The following FAIM2 variants were observed in gnomAD, a reference collection of about 807,000 sequenced individuals.
The protein encoded by FAIM2 is Fas apoptotic inhibitory molecule 2, also known as protein lifeguard 2.
In FAIM2, 27 loss-of-function variants were observed where a neutral mutation model predicts 47.4. The observed-to-expected ratio is 0.57, with a 90% confidence interval of 0.42 to 0.78. The LOEUF (loss-of-function observed/expected upper bound fraction) is 0.78, where lower values mean the gene tolerates loss of function less well. Among genes scored for constraint, FAIM2 ranks in the 30% least tolerant of loss-of-function variants. FAIM2 has a pLI of 0.00. For synonymous variants in FAIM2, 156 were observed against 159.3 expected (o/e 0.98, Z 0.16); for missense variants, 311 against 389.4 (o/e 0.80, Z 1.69).
At chr12:49,878,600 G>GTGCA (rs1555157979) in intron 11 of FAIM2, among the ~76,000 whole-genome samples, 3,660 of 124,318 alleles carry the variant, frequency 0.029, 767 homozygotes, top group African/African-American at 0.12. Context: ...GTATGTGTAT[G>GTGCA]TGTGCATGTG....
chr12:49,875,638 T>C (rs1055830524), intron 11 of FAIM2, among the ~76,000 whole-genome samples: 1 of 150,634 alleles, frequency 6.6e-6, no homozygotes, highest in Admixed American at 6.6e-5. Context: ...GAAAGGGGGG[T>C]AGTGTATGAA....
chr12:49,879,798 G>A (rs1409077775), intron 11 of FAIM2, among the ~76,000 whole-genome samples: 2 of 151,714 alleles, frequency 1.3e-5, no homozygotes, highest in African/African-American at 4.8e-5. Context: ...GTGTATGTGT[G>A]CATACGACTG....
In FAIM2 at chr12:49,895,801, C is replaced by T. The variant is rs117919226; in HGVS notation, c.434+1230G>A. On this transcript the variant is annotated intron_variant, in intron 5 of 11. Coordinates refer to ENST00000320634, the MANE Select transcript of FAIM2 (RefSeq NM_012306.4). ...GGGCTCTGGGCTGAGCCCACCTCCCCACCAGAGCCCTATCCAGGAACAGAC... is the reference window on the plus strand; with the variant it reads ...GGGCTCTGGGCTGAGCCCACCTCCCTACCAGAGCCCTATCCAGGAACAGAC... Among the ~76,000 whole-genome samples the T allele has an allele frequency of 1.4e-3, 211 of 152,360 alleles. 8 individuals carry two copies. The East Asian group carries it at 0.038, about 28-fold the overall frequency.
rs768632344 is a variant in FAIM2, at chr12:49,901,126, T to G, written c.211+4A>C. The G allele has an allele frequency of 1.9e-6, 3 of 1,577,602 alleles. No homozygotes were observed. In the Admixed American group the frequency reaches 5.8e-5, roughly 31 times the overall value. Reference sequence around the variant, plus strand: ...CTTCAGGTTCCAGGAGCTGAAAGACTTACTGGGGTCCACATAGGCCCAGCT... The same window carrying G: ...CTTCAGGTTCCAGGAGCTGAAAGACGTACTGGGGTCCACATAGGCCCAGCT... On this transcript the variant is annotated splice_donor_region_variant and intron_variant, in intron 2 of 11. Coordinates refer to ENST00000320634, the MANE Select transcript of FAIM2 (RefSeq NM_012306.4).
chr12:49,870,745 C>G (rs1203844456), intron 11 of FAIM2, 92 bp from the exon 12 acceptor site: 7 of 1,298,270 alleles, frequency 5.4e-6, no homozygotes, highest in Non-Finnish European at 7.6e-6. Flanking sequence ...CAGCCCCACC[C>G]CCAATTTTAT....
intron 11 of FAIM2, among the ~76,000 whole-genome samples, chr12:49,881,560 G>T (rs990531936): frequency 8.6e-5 from 13 of 151,778 alleles, no homozygotes; most frequent in African/African-American, 3.1e-4. Flanking sequence ...CTGCAGGCAT[G>T]TGCCCCCACC....
Position 49,887,376 on chromosome 12 carries a change from C to G in FAIM2, c.801+10G>C, listed in dbSNP as rs776022293. 6 of 1,608,824 alleles carry G rather than the reference C, an allele frequency of 3.7e-6. No homozygotes were observed. Among genetic ancestry groups the G allele is most frequent in the Non-Finnish European group, 5.1e-6 (6 of 1,177,226 alleles). ...GGAAGGAGGCTGCCAAGGAGCTAGA[C>G]CACACTCACCAATGTAAATACACCC... On this transcript the variant is annotated intron_variant, in intron 11 of 11. Transcript: ENST00000320634.
intron 2 of FAIM2, among the ~76,000 whole-genome samples, chr12:49,900,683 T>TC (rs1217625061): frequency 1.3e-5 from 2 of 151,996 alleles, no homozygotes; most frequent in African/African-American, 4.8e-5. Flanking sequence ...TGGAGACCTG[T>TC]CCCCACTGAG....
At chr12:49,892,707 G>A (rs146538826) in intron 5 of FAIM2, among the ~76,000 whole-genome samples, 188 of 152,118 alleles carry the variant, frequency 1.2e-3, no homozygotes, top group African/African-American at 4.3e-3. Flanking sequence ...CTTCCCCCAC[G>A]TTCTCCCTAG....
At chr12:49,881,715 C>T (rs1452507592) in intron 11 of FAIM2, among the ~76,000 whole-genome samples, 1 of 152,212 alleles carries the variant, frequency 6.6e-6, no homozygotes, top group Non-Finnish European at 1.5e-5. Flanking sequence ...GGCTGTTCAG[C>T]TGGCTCACCC....
intron 5 of FAIM2, among the ~76,000 whole-genome samples, chr12:49,895,765 C>T (rs9669359): frequency 0.015 from 2,319 of 152,284 alleles, 55 homozygotes; most frequent in African/African-American, 0.053. Context: ...CTGGGCTCGA[C>T]GTGGTCCAGG....
chr12:49,881,283 T>G (rs1946824124), intron 11 of FAIM2, among the ~76,000 whole-genome samples: 1 of 151,956 alleles, frequency 6.6e-6, no homozygotes, highest in Admixed American at 6.5e-5. Flanking sequence ...GCACAACAAC[T>G]GTGATGTTTC....
Position 49,903,794 on chromosome 12 carries a change from G to A in FAIM2, c.-2C>T. The A allele has an allele frequency of 6.5e-7, 1 of 1,545,792 alleles. No homozygotes were observed. The highest frequency in any genetic ancestry group is 8.7e-7 in the Non-Finnish European group (1 of 1,144,494). On this transcript the variant is annotated 5_prime_UTR_variant, in exon 1 of 12. Coordinates refer to ENST00000320634, the MANE Select transcript of FAIM2 (RefSeq NM_012306.4). ...TGCCGGTACCTTTCCCTGGGTCATG[G>A]TGCCGTCTCTCGGGGAAGGGGTCCC...
intron 11 of FAIM2, among the ~76,000 whole-genome samples, chr12:49,886,788 T>G (rs1946864752): frequency 6.6e-6 from 1 of 152,146 alleles, no homozygotes; most frequent in Non-Finnish European, 1.5e-5. Flanking sequence ...CCCATCTTAA[T>G]TTATTAACAG....
In FAIM2 at chr12:49,879,284, A is replaced by ATGTGTATGCATGTGCATGTGTATATG; in HGVS notation, c.801+8101_801+8102insCATATACACATGCACATGCATACACA. On this transcript the variant is annotated intron_variant, in intron 11 of 11. Transcript: ENST00000320634. The stretch of plus-strand genomic sequence containing the variant: ...TATGTGTGCATGTGTATATGTGTGT[A>ATGTGTATGCATGTGCATGTGTATATG]TGTGTGTGGGTATGTGTATGCATGT... 1.2e-4 allele frequency among the ~76,000 whole-genome samples: 2 copies of ATGTGTATGCATGTGCATGTGTATATG among 17,318 alleles called. 1 individual carries two copies. Among genetic ancestry groups the ATGTGTATGCATGTGCATGTGTATATG allele is most frequent in the South Asian group, 3.5e-3 (2 of 576 alleles). 11.4% of individuals were successfully genotyped at this position (17,318 alleles called of 152,430 possible). A position where few individuals can be genotyped will look rare whatever the true frequency, so the allele number is the denominator to read the frequency against.
At chr12:49,899,478 C>G (rs766705158) in intron 2 of FAIM2, among the ~76,000 whole-genome samples, 1 of 152,190 alleles carries the variant, frequency 6.6e-6, no homozygotes, top group Non-Finnish European at 1.5e-5. Flanking sequence ...ACCCTCCAGC[C>G]CCGCTATACA....
chr12:49,870,207 C>A lies in FAIM2; in HGVS notation c.*297G>T. On this transcript the variant is annotated 3_prime_UTR_variant, in exon 12 of 12. Transcript: ENST00000320634. ...CTGCATCTGAAATCCTGCTAGGCTT[C>A]TCCTCCTTGTCCCTTGGACCCTCAA... 3.4e-6 allele frequency: 1 copy of A among 295,208 alleles called. No individual in the cohort carries two copies. The highest frequency in any genetic ancestry group is 1.0e-3 in the Middle Eastern group (1 of 954). The allele number at this position is 295,208 out of a possible 1,614,324, so 18.3% of individuals were successfully genotyped here.
chr12:49,892,856 G>A (rs1946909741), intron 5 of FAIM2, among the ~76,000 whole-genome samples: 1 of 152,154 alleles, frequency 6.6e-6, no homozygotes, highest in East Asian at 1.9e-4. Context: ...CAGGTTAGAG[G>A]GGAGCTCCCT....
chr12:49,880,561 CATGTGTGTATCTGTGCAT>C (rs1490119112), intron 11 of FAIM2, among the ~76,000 whole-genome samples: 6 of 8,818 alleles, frequency 6.8e-4, no homozygotes, highest in African/African-American at 6.3e-3. Flanking sequence ...CGTGTGTGTG[CATGTGTGTATCTGTGCAT>C]GTGTATATGT....
Sources: allele counts gnomAD v4.1 joint callset (sites outside exome capture counted in the v4.1 genomes callset), GRCh38; gene constraint gnomAD v4.1.1; transcripts MANE v1.5; gene names NCBI Gene and HGNC (gene_info 2026-07-23, HGNC 2026-07-21).